The following IQGAP3 variants were observed in gnomAD, a reference collection of about 807,000 sequenced individuals.
IQGAP3 encodes the protein ras GTPase-activating-like protein IQGAP3.
In IQGAP3, 165 loss-of-function variants were observed where a neutral mutation model predicts 208.2. The observed-to-expected ratio is 0.79, with a 90% CI of 0.70 to 0.90. The LOEUF (loss-of-function observed/expected upper bound fraction) is 0.90, where lower values mean the gene tolerates loss of function less well. Ranked by LOEUF, IQGAP3 falls within the 40% of genes least tolerant of loss-of-function variation. The pLI, the probability that IQGAP3 is intolerant of heterozygous loss-of-function variation, is 0.00. For synonymous variants in IQGAP3, 703 were observed against 803.6 expected (o/e 0.87, Z 2.12); for missense variants, 1,811 against 2,043.1 (o/e 0.89, Z 2.19).
intron 19 of IQGAP3, among the ~76,000 whole-genome samples, chr1:156,546,806 C>T (rs1675264708): frequency 1.3e-5 from 2 of 152,198 alleles, no homozygotes; most frequent in Admixed American, 6.5e-5. Flanking sequence ...CCCCAACACC[C>T]TCAGTCATAA....
rs1467193174 is a variant in IQGAP3 at position 156,528,978 on chromosome 1, C to T, written c.4509G>A (p.Glu1503=). ...TGTACTGGCTGTAGTAGTCACCCTG[C>T]TCCTCATAGAAGGTGGTCTTAGTGC... is the stretch of plus-strand genomic sequence containing the variant. ...GLSTKTTFYE[E]QGDYYSQYIR... The change falls in exon 35 of 38, where the codon GAG becomes GAA. Residue 1503 remains glutamate (E), a synonymous_variant. Coordinates refer to ENST00000361170, the MANE Select transcript of IQGAP3 (RefSeq NM_178229.5). 2.5e-6 allele frequency: 4 copies of T among 1,614,228 alleles called. No individual in the cohort carries two copies. The highest frequency in any genetic ancestry group is 3.4e-6 in the Non-Finnish European group (4 of 1,180,036).
chr1:156,532,061 A>C (rs1373062927), intron 32 of IQGAP3, among the ~76,000 whole-genome samples: 1 of 152,108 alleles, frequency 6.6e-6, no homozygotes, highest in Non-Finnish European at 1.5e-5. Context: ...GAAGAGCTCC[A>C]TGCCCATCTC....
intron 15 of IQGAP3, 79 bp downstream of exon 15, chr1:156,551,626 C>A: frequency 7.0e-7 from 1 of 1,429,694 alleles, no homozygotes; most frequent in East Asian, 2.4e-5. Flanking sequence ...GAATAGAGCT[C>A]TGCCAGACTG....
At chr1:156,548,806 C>G in intron 16 of IQGAP3, 58 bp from the exon 17 acceptor site, 1 of 1,481,354 alleles carries the variant, frequency 6.8e-7, no homozygotes, top group Non-Finnish European at 9.0e-7. Flanking sequence ...TCCCATGGGC[C>G]TTGGCCAGTC....
intron 8 of IQGAP3, 56 bp downstream of exon 8, chr1:156,563,078 T>C: frequency 6.8e-7 from 1 of 1,463,842 alleles, no homozygotes; most frequent in Non-Finnish European, 9.2e-7. Context: ...CGGTTTCACT[T>C]GAGACTTTCC....
At chr1:156,535,527 T>C (rs1674649555) in intron 27 of IQGAP3, among the ~76,000 whole-genome samples, 1 of 152,228 alleles carries the variant, frequency 6.6e-6, no homozygotes, top group Non-Finnish European at 1.5e-5. Flanking sequence ...CTCGAGAACC[T>C]CTTCTTTGAG....
intron 1 of IQGAP3, among the ~76,000 whole-genome samples, 200 bp from the exon 2 acceptor site, chr1:156,569,663 C>T (rs541211612): frequency 1.3e-4 from 20 of 150,276 alleles, no homozygotes; most frequent in South Asian, 1.1e-3. Flanking sequence ...GGACTACAGG[C>T]GCCCGCCACC....
At chr1:156,533,128 G>C (rs757372653) in intron 31 of IQGAP3, 22 bp from the exon 32 acceptor site, 2 of 1,613,442 alleles carry the variant, frequency 1.2e-6, no homozygotes, top group Non-Finnish European at 1.7e-6. Context: ...TGAGGAATGA[G>C]AGGGAGACAG....
intron 1 of IQGAP3, among the ~76,000 whole-genome samples, chr1:156,570,405 A>G (rs2102452711): frequency 6.6e-6 from 1 of 152,276 alleles, no homozygotes; most frequent in Admixed American, 6.5e-5. Context: ...GCCTGGTGTG[A>G]TGGTGCAAAC....
chr1:156,533,157 GCA>G, intron 31 of IQGAP3, 51 bp from the exon 32 acceptor site: 1 of 1,599,672 alleles, frequency 6.3e-7, no homozygotes. Context: ...ACACACATGC[GCA>G]CACACACATA....
intron 12 of IQGAP3, among the ~76,000 whole-genome samples, chr1:156,555,218 G>A (rs1394375816): frequency 6.6e-6 from 1 of 152,092 alleles, no homozygotes; most frequent in African/African-American, 2.4e-5. Flanking sequence ...CGTGCCCTTT[G>A]TCTAGAGCAC....
At chr1:156,554,755 C>G (rs1452011658) in intron 12 of IQGAP3, among the ~76,000 whole-genome samples, 1 of 152,160 alleles carries the variant, frequency 6.6e-6, no homozygotes, top group Non-Finnish European at 1.5e-5. Flanking sequence ...TTGGTCCCTA[C>G]TGCATATCAA....
chr1:156,550,135 G>A (rs1451507235), intron 16 of IQGAP3, 126 bp downstream of exon 16: 5 of 666,090 alleles, frequency 7.5e-6, no homozygotes, highest in Non-Finnish European at 1.1e-5. Context: ...TCTGACTCTG[G>A]CCTGCCTCCC....
chr1:156,552,192 A>C (rs912287532), intron 13 of IQGAP3, 97 bp from the exon 14 acceptor site: 62 of 1,408,134 alleles, frequency 4.4e-5, no homozygotes, highest in Non-Finnish European at 5.0e-5. Flanking sequence ...CTTGACCTCC[A>C]GGACACCACA....
At chr1:156,526,669 ACACT>A (rs1674080461) in intron 37 of IQGAP3, 70 bp from the exon 38 acceptor site, 2 of 1,048,218 alleles carry the variant, frequency 1.9e-6, no homozygotes, top group South Asian at 1.3e-5. Context: ...GGTGTACAAA[ACACT>A]CACATCATGG....
intron 22 of IQGAP3, among the ~76,000 whole-genome samples, chr1:156,543,737 G>C (rs923743076): frequency 2.6e-5 from 4 of 152,012 alleles, no homozygotes; most frequent in African/African-American, 9.7e-5. Flanking sequence ...GTAGCAATAG[G>C]CAGATAATCT....
chr1:156,561,929 TG>T lies in IQGAP3; in HGVS notation c.949del (p.Gln317LysfsTer10). On this transcript the variant is annotated frameshift_variant, in exon 10 of 38. Transcript: ENST00000361170. LOFTEE classifies it high-confidence loss of function. ...CCCTCGCAGGGCCAGGGCAGGGTCT[TG>T]AAGGGCCTTGAGCAAGGCTTCAGGG... is the stretch of plus-strand genomic sequence containing the variant. ...QSPEALLKAL[Q>X]DPALALRGVR... 1 of 1,613,994 alleles carries T rather than the reference TG, an allele frequency of 6.2e-7. No homozygotes were observed. Among genetic ancestry groups the T allele is most frequent in the Non-Finnish European group, 8.5e-7 (1 of 1,179,968 alleles).
rs6427319 is a variant in IQGAP3, at chr1:156,569,362, T to C, written c.125+14A>G. Reference sequence around the variant, plus strand: ...GGAGAGCAGAAAGAGTCCATCTTCCTGGACTCCGCTCACCGCTTGGCCTCC... The same window carrying C: ...GGAGAGCAGAAAGAGTCCATCTTCCCGGACTCCGCTCACCGCTTGGCCTCC... On this transcript the variant is annotated intron_variant, in intron 2 of 37. Coordinates refer to ENST00000361170, the MANE Select transcript of IQGAP3 (RefSeq NM_178229.5). 1,583,984 of 1,590,604 alleles carry C rather than the reference T, an allele frequency of 1. 788,734 individuals carry two copies. Among genetic ancestry groups the C allele is most frequent in the East Asian group, 1 (44,676 of 44,678 alleles).
chr1:156,533,346 C>A (rs1003698025), intron 31 of IQGAP3, among the ~76,000 whole-genome samples: 2 of 152,148 alleles, frequency 1.3e-5, no homozygotes, highest in African/African-American at 4.8e-5. Context: ...GTGCCACCCC[C>A]ACACCCTCAG....
Sources: allele counts gnomAD v4.1 joint callset (sites outside exome capture counted in the v4.1 genomes callset), GRCh38; gene constraint gnomAD v4.1.1; transcripts MANE v1.5; gene names NCBI Gene and HGNC (gene_info 2026-07-23, HGNC 2026-07-21).